The following ZFHX3 variants were observed in gnomAD, a reference collection of about 807,000 sequenced individuals.
ZFHX3 encodes zinc finger homeobox 3.
ZFHX3 carries 42 observed loss-of-function variants against 279.1 expected under a neutral mutation model. The observed-to-expected ratio is 0.15, with a 90% CI of 0.12 to 0.19. The LOEUF (loss-of-function observed/expected upper bound fraction) is 0.19. Among genes scored for constraint, ZFHX3 ranks in the 10% least tolerant of loss-of-function variants. The pLI, the probability that ZFHX3 is intolerant of heterozygous loss-of-function variation, is 1.00. For missense variants in ZFHX3, 4,981 were observed against 4,754.0 expected, an observed-to-expected ratio of 1.05 and a Z score of -1.40; for synonymous variants, 2,293 against 1,957.8, an observed-to-expected ratio of 1.17 and a Z score of -4.52.
intron 4 of ZFHX3, among the ~76,000 whole-genome samples, chr16:73,275,749 G>A (rs1010629547): frequency 6.6e-6 from 1 of 152,140 alleles, no homozygotes; most frequent in African/African-American, 2.4e-5. Context: ...ATCATGAAGG[G>A]AGCACATGCT....
At chr16:73,831,271 T>G (rs1353788996) in intron 1 of ZFHX3, among the ~76,000 whole-genome samples, 2 of 152,190 alleles carry the variant, frequency 1.3e-5, no homozygotes, top group East Asian at 3.9e-4. Flanking sequence ...AAAGTCCTCC[T>G]ATTTCAGAGT....
chr16:73,477,506 T>G (rs1306123354), intron 2 of ZFHX3, among the ~76,000 whole-genome samples: 1 of 152,214 alleles, frequency 6.6e-6, no homozygotes, highest in South Asian at 2.1e-4. Flanking sequence ...GCATTCAGAC[T>G]ATTCTATGTT....
chr16:73,252,642 G>T (rs750910325), intron 5 of ZFHX3, among the ~76,000 whole-genome samples: 7 of 152,098 alleles, frequency 4.6e-5, no homozygotes, highest in African/African-American at 7.2e-5. Context: ...GGGAGGAGAC[G>T]GGCTACGGCT....
At chr16:72,964,958 A>G (rs1961761538) in intron 1 of ZFHX3, among the ~76,000 whole-genome samples, 1 of 151,920 alleles carries the variant, frequency 6.6e-6, no homozygotes, top group African/African-American at 2.4e-5. Flanking sequence ...GCTCACTGCA[A>G]CCTCTGCCTC....
At chr16:73,566,834 G>A (rs535732634) in intron 2 of ZFHX3, among the ~76,000 whole-genome samples, 1 of 152,226 alleles carries the variant, frequency 6.6e-6, no homozygotes, top group African/African-American at 2.4e-5. Flanking sequence ...GAGTAGCTGG[G>A]ATTACAGGCA....
chr16:72,791,430 G>A (rs936610971), intron 9 of ZFHX3: 1 of 152,184 alleles, frequency 6.6e-6, no homozygotes, highest in African/African-American at 2.4e-5. Flanking sequence ...CAGAACTTGA[G>A]TAGCACTAAA....
At chr16:73,010,107 C>T (rs1191910089) in intron 1 of ZFHX3, among the ~76,000 whole-genome samples, 1 of 152,048 alleles carries the variant, frequency 6.6e-6, no homozygotes, top group Non-Finnish European at 1.5e-5. Context: ...GAGGCACGCC[C>T]CATGGGAAGG....
chr16:73,520,343 T>C (rs1377669554), intron 2 of ZFHX3, among the ~76,000 whole-genome samples: 1 of 152,226 alleles, frequency 6.6e-6, no homozygotes, highest in Non-Finnish European at 1.5e-5. Context: ...TGTCTTCATC[T>C]AAGATGAAAA....
At chr16:73,851,180 G>T (rs549097756) in intron 1 of ZFHX3, among the ~76,000 whole-genome samples, 1 of 152,160 alleles carries the variant, frequency 6.6e-6, no homozygotes, top group African/African-American at 2.4e-5. Flanking sequence ...TCAATACAGA[G>T]GGGGAAGTTA....
intron 4 of ZFHX3, among the ~76,000 whole-genome samples, chr16:73,303,280 A>C (rs1237448896): frequency 1.3e-5 from 2 of 152,132 alleles, no homozygotes; most frequent in Non-Finnish European, 2.9e-5. Context: ...CTCCCATCTC[A>C]GCCTCCCAAA....
intron 2 of ZFHX3, among the ~76,000 whole-genome samples, chr16:73,616,428 G>GA (rs201127158): frequency 0.27 from 33,960 of 127,938 alleles, 4,551 homozygotes; most frequent in African/African-American, 0.32. Flanking sequence ...AACTATGGAG[G>GA]AAAAAAAAAA....
chr16:73,494,636 C>T (rs1246236608), intron 2 of ZFHX3, among the ~76,000 whole-genome samples: 1 of 151,872 alleles, frequency 6.6e-6, no homozygotes, highest in African/African-American at 2.4e-5. Context: ...TCTCGGCTCA[C>T]CGCAACCTCC....
chr16:73,874,898 C>G (rs1420644427), intron 1 of ZFHX3, among the ~76,000 whole-genome samples: 2 of 152,190 alleles, frequency 1.3e-5, no homozygotes, highest in African/African-American at 4.8e-5. Flanking sequence ...TCTGCAATAG[C>G]AATGGCATAT....
At chr16:73,323,040 G>A (rs2015609699) in intron 3 of ZFHX3, among the ~76,000 whole-genome samples, 1 of 152,164 alleles carries the variant, frequency 6.6e-6, no homozygotes, top group African/African-American at 2.4e-5. Context: ...AGACCCTGTG[G>A]CCTGTTTAAA....
intron 3 of ZFHX3, among the ~76,000 whole-genome samples, chr16:72,930,078 C>T (rs1016028599): frequency 1.3e-5 from 2 of 152,188 alleles, no homozygotes; most frequent in Admixed American, 6.5e-5. Context: ...ATTAGCCAGG[C>T]GTGGTGGCGG....
intron 1 of ZFHX3, among the ~76,000 whole-genome samples, chr16:73,855,887 T>C (rs1437324441): frequency 1.3e-5 from 2 of 152,124 alleles, no homozygotes; most frequent in East Asian, 3.9e-4. Context: ...CTAAAAACTG[T>C]CTTACGAGAT....
intron 3 of ZFHX3, among the ~76,000 whole-genome samples, chr16:73,428,387 T>G (rs370610749): frequency 6.6e-6 from 1 of 152,134 alleles, no homozygotes. Context: ...CATCGGTCCA[T>G]GCAATGCACG....
intron 2 of ZFHX3, among the ~76,000 whole-genome samples, chr16:73,651,802 C>T (rs766547829): frequency 2.7e-4 from 40 of 146,366 alleles, no homozygotes; most frequent in Admixed American, 4.8e-4. Flanking sequence ...GAGCAGTGAG[C>T]GCAGATCACG....
intron 3 of ZFHX3, among the ~76,000 whole-genome samples, chr16:72,890,791 G>C (rs1005125212): frequency 6.6e-6 from 1 of 152,210 alleles, no homozygotes; most frequent in Non-Finnish European, 1.5e-5. Context: ...TGTAAATAAA[G>C]TTTTATTGGA....
Sources: allele counts gnomAD v4.1 joint callset (sites outside exome capture counted in the v4.1 genomes callset), GRCh38; gene constraint gnomAD v4.1.1; transcripts MANE v1.5; gene names NCBI Gene and HGNC (gene_info 2026-07-23, HGNC 2026-07-21).